Variants in EPM2A observed in about 807,000 individuals in gnomAD.
EPM2A encodes the protein EPM2A glucan phosphatase, laforin.
Under a neutral mutation model 26.5 loss-of-function variants are expected in EPM2A, and 21 were observed. That is an observed-to-expected ratio of 0.79 (90% confidence interval 0.56 to 1.14). The LOEUF (loss-of-function observed/expected upper bound fraction) is 1.14. Among genes scored for constraint, EPM2A ranks in the 50% most tolerant of loss-of-function variants. The pLI is 0.00. For synonymous variants in EPM2A, 217 were observed against 177.6 expected, an observed-to-expected ratio of 1.22 and a Z score of -1.76; for missense variants, 458 against 440.8, an observed-to-expected ratio of 1.04 and a Z score of -0.35.
At chr6:145,576,973 A>T (rs2114831540) in intron 2 of EPM2A, among the ~76,000 whole-genome samples, 1 of 151,466 alleles carries the variant, frequency 6.6e-6, no homozygotes, top group East Asian at 1.9e-4. Flanking sequence ...TGGTTTTAAG[A>T]TGTTTTTTAC....
chr6:145,654,020 A>C (rs1778077908), intron 2 of EPM2A, among the ~76,000 whole-genome samples: 1 of 152,192 alleles, frequency 6.6e-6, no homozygotes, highest in Admixed American at 6.5e-5. Flanking sequence ...TGAAATAGCC[A>C]GGCCTTAATG....
At chr6:145,690,991 CAG>C (rs1289481762) in intron 1 of EPM2A, among the ~76,000 whole-genome samples, 1 of 141,828 alleles carries the variant, frequency 7.1e-6, no homozygotes, top group Non-Finnish European at 1.5e-5. Flanking sequence ...AAAAAAAAAA[CAG>C]ACACTTAGGG....
intron 4 of EPM2A, among the ~76,000 whole-genome samples, chr6:145,486,725 A>G (rs1400178797): frequency 1.3e-5 from 2 of 151,970 alleles, no homozygotes; most frequent in East Asian, 3.9e-4. Flanking sequence ...TGTGTGTCTG[A>G]TTTATTCTTC....
chr6:145,690,661 G>A (rs1189636801), intron 1 of EPM2A, among the ~76,000 whole-genome samples: 8 of 148,986 alleles, frequency 5.4e-5, no homozygotes, highest in Non-Finnish European at 1.0e-4. Context: ...GCCGGATAAA[G>A]GCCAACACCA....
intron 4 of EPM2A, among the ~76,000 whole-genome samples, chr6:145,455,392 CT>C (rs1779250590): frequency 6.6e-6 from 1 of 152,198 alleles, no homozygotes; most frequent in Non-Finnish European, 1.5e-5. Context: ...GAGTCTCACT[CT>C]GTTGCCCAGG....
chr6:145,419,604 A>C (rs1778756050), intron 4 of EPM2A, among the ~76,000 whole-genome samples: 1 of 152,188 alleles, frequency 6.6e-6, no homozygotes, highest in South Asian at 2.1e-4. Flanking sequence ...AATTTTGTGA[A>C]AGACTACTAC....
chr6:145,552,224 T>C (rs1780664854), intron 2 of EPM2A, among the ~76,000 whole-genome samples: 1 of 152,024 alleles, frequency 6.6e-6, no homozygotes, highest in Non-Finnish European at 1.5e-5. Context: ...TTAAGAACTA[T>C]TGCAGGATCT....
rs180724446 is a variant in EPM2A, at chr6:145,570,850, C to T, written c.340+64395G>A. Among the ~76,000 whole-genome samples, 33 of 152,290 alleles carry T rather than the reference C, an allele frequency of 2.2e-4. No individual in the cohort carries two copies. The East Asian group carries it at 3.1e-3, about 14-fold the overall frequency. On this transcript the variant is annotated intron_variant, in intron 2 of 3. Coordinates refer to the EPM2A transcript ENST00000450221. ...TTCCATGCATACTCTTCCTTACCTC[C>T]GTTGTGGAGTAGTAGACTGATTTCA...
At chr6:145,649,056 G>GTCATC in intron 2 of EPM2A, among the ~76,000 whole-genome samples, 1 of 152,108 alleles carries the variant, frequency 6.6e-6, no homozygotes, top group Admixed American at 6.5e-5. Flanking sequence ...AATTATGCTT[G>GTCATC]TGACCTTTGC....
intron 4 of EPM2A, among the ~76,000 whole-genome samples, chr6:145,387,731 A>G (rs1186173202): frequency 6.6e-6 from 1 of 152,104 alleles, no homozygotes; most frequent in Non-Finnish European, 1.5e-5. Flanking sequence ...TTAAGCTTTG[A>G]AAAAAATATG....
chr6:145,414,668 A>C lies in EPM2A; in HGVS notation c.556-30571T>G, dbSNP rs183169755. 1.7e-3 allele frequency among the ~76,000 whole-genome samples: 256 copies of C among 152,190 alleles called. 1 individual carries two copies. Among genetic ancestry groups the C allele is most frequent in the Middle Eastern group, 0.014 (4 of 294 alleles). ...TGTGTTAACATCCTATTACTCTAACATCACCATTTACTCTCTGTCTCTTGT... is the reference window on the plus strand; with the variant it reads ...TGTGTTAACATCCTATTACTCTAACCTCACCATTTACTCTCTGTCTCTTGT... On this transcript the variant is annotated intron_variant, in intron 4 of 4. Transcript: ENST00000638717.
intron 1 of EPM2A, among the ~76,000 whole-genome samples, chr6:145,712,277 A>G (rs1374745368): frequency 6.6e-6 from 1 of 152,272 alleles, no homozygotes; most frequent in Non-Finnish European, 1.5e-5. Context: ...AATAATTAAC[A>G]GCAGAAACAA....
rs916151968 is a variant in EPM2A, at chr6:145,385,288, G to A, written c.556-1191C>T. On this transcript the variant is annotated intron_variant, in intron 4 of 4. Coordinates refer to the EPM2A transcript ENST00000638717. ...AGTTTTCTGTCTAATAAGATGATCTGCTTTTTGACTGAATAAACTAAAGCC... is the reference window on the plus strand; with the variant it reads ...AGTTTTCTGTCTAATAAGATGATCTACTTTTTGACTGAATAAACTAAAGCC... Among the ~76,000 whole-genome samples the A allele has an allele frequency of 3.1e-5, 4 of 127,308 alleles. 1 individual carries two copies. Among genetic ancestry groups the A allele is most frequent in the African/African-American group, 1.2e-4 (4 of 33,904 alleles). 83.5% of individuals were successfully genotyped at this position (127,308 alleles called of 152,430 possible).
At chr6:145,473,125 T>A (rs1177129889) in intron 4 of EPM2A, among the ~76,000 whole-genome samples, 1 of 151,900 alleles carries the variant, frequency 6.6e-6, no homozygotes, top group East Asian at 1.9e-4. Context: ...TCAAAGTAAC[T>A]GTGTCGAGGA....
At chr6:145,654,740 C>T (rs1394118246) in intron 2 of EPM2A, among the ~76,000 whole-genome samples, 1 of 152,130 alleles carries the variant, frequency 6.6e-6, no homozygotes, top group Non-Finnish European at 1.5e-5. Context: ...TAGCTTATGG[C>T]TTGATAACTG....
rs936474695 is a variant in EPM2A at position 145,626,393 on chromosome 6, T to C, written c.*1023A>G. On this transcript the variant is annotated 3_prime_UTR_variant, in exon 4 of 4. Coordinates refer to ENST00000367519, the MANE Select transcript of EPM2A (RefSeq NM_005670.4). Reference sequence around the variant, plus strand: ...GGTCATTTGGGCTCTTTTGGTAGTATAGTTCCTCTCATGAATTTCCACTCT... The same window carrying C: ...GGTCATTTGGGCTCTTTTGGTAGTACAGTTCCTCTCATGAATTTCCACTCT... 8.1e-6 allele frequency: 8 copies of C among 985,866 alleles called. No homozygotes were observed. Among genetic ancestry groups the C allele is most frequent in the East Asian group, 1.1e-4 (1 of 8,826 alleles). The allele number at this position is 985,866 out of a possible 1,614,324, so 61.1% of individuals were successfully genotyped here.
intron 1 of EPM2A, among the ~76,000 whole-genome samples, chr6:145,702,127 C>T (rs1225031723): frequency 6.6e-6 from 1 of 152,216 alleles, no homozygotes; most frequent in Non-Finnish European, 1.5e-5. Context: ...GCTCACCCAG[C>T]ACTCTTACTT....
chr6:145,493,035 T>C (rs906127386), intron 4 of EPM2A, among the ~76,000 whole-genome samples: 1 of 152,108 alleles, frequency 6.6e-6, no homozygotes, highest in Non-Finnish European at 1.5e-5. Flanking sequence ...CCTCAAAGCC[T>C]CTCATTCCAT....
At chr6:145,554,821 A>G (rs1221511998) in intron 2 of EPM2A, among the ~76,000 whole-genome samples, 1 of 152,102 alleles carries the variant, frequency 6.6e-6, no homozygotes, top group Non-Finnish European at 1.5e-5. Flanking sequence ...ACCATAGCTC[A>G]TATGATTATA....
Sources: allele counts gnomAD v4.1 joint callset (sites outside exome capture counted in the v4.1 genomes callset), GRCh38; gene constraint gnomAD v4.1.1; transcripts MANE v1.5; gene names NCBI Gene and HGNC (gene_info 2026-07-23, HGNC 2026-07-21).